The following CHD2 variants were observed in gnomAD, a reference collection of about 807,000 sequenced individuals.
The protein encoded by CHD2 is ATP-dependent chromatin remodeler CHD2.
A neutral mutation model predicts 243.9 loss-of-function variants in CHD2; 28 were observed. The observed-to-expected ratio is 0.11, with a 90% CI of 0.09 to 0.16. The LOEUF (loss-of-function observed/expected upper bound fraction) is 0.16, where lower values mean the gene tolerates loss of function less well. CHD2 is among the 10% of genes least tolerant of loss of function. CHD2 has a pLI of 1.00. For synonymous variants in CHD2, 775 were observed against 779.0 expected, an observed-to-expected ratio of 0.99 and a Z score of 0.09; for missense variants, 1,386 against 2,209.8, an observed-to-expected ratio of 0.63 and a Z score of 7.47.
In CHD2 at chr15:93,004,749, A is replaced by G. The variant is rs2054298181; in HGVS notation, c.4411A>G (p.Ile1471Val). The change falls in exon 34 of 39, where the codon ATA (isoleucine) becomes GTA (valine). Residue 1471 changes from isoleucine (I) to valine (V), a missense_variant and splice_region_variant. This residue lies in a region of CHD2 where 22 missense variants were observed against 60.2 expected (regional missense o/e 0.37). Coordinates refer to ENST00000394196, the MANE Select transcript of CHD2 (RefSeq NM_001271.4). ...TGATCTGGACCAGGAGACATTCAGCATAGTAAGTCTTGAAATCGGGGGGTG... is the reference window on the plus strand; with the variant it reads ...TGATCTGGACCAGGAGACATTCAGCGTAGTAAGTCTTGAAATCGGGGGGTG... ...DDDLDQETFS[I>V]CKERMRPVKK... is the part of the protein sequence containing the mutation. The G allele has an allele frequency of 6.2e-7, 1 of 1,610,836 alleles. No individual in the cohort carries two copies. Among genetic ancestry groups the G allele is most frequent in the African/African-American group, 1.3e-5 (1 of 74,878 alleles).
rs1018764419 is a variant in CHD2 at position 92,937,560 on chromosome 15, A to C, written c.486A>C (p.Gln162His). Reference sequence around the variant, plus strand: ...AACCCTCAGAAGATGAACAGGAACAAGGCACCAGTGCAGAGAGTGAGCCAG... The same window carrying C: ...AACCCTCAGAAGATGAACAGGAACACGGCACCAGTGCAGAGAGTGAGCCAG... ...KQEPSEDEQEQGTSAESEPEQ... is the reference protein window; with the variant it reads ...KQEPSEDEQEHGTSAESEPEQ... Residue 162 changes from glutamine (Q) to histidine (H), a missense_variant, in exon 6 of 39, where the codon CAA becomes CAC. Gln to His is a conservative substitution (Grantham distance 24, BLOSUM62 0). Around this residue, in one of 19 missense-constraint regions of CHD2, gnomAD observed 90 missense variants for 78.0 expected, o/e 1.15. Coordinates refer to ENST00000394196, the MANE Select transcript of CHD2 (RefSeq NM_001271.4). 1.9e-6 allele frequency: 3 copies of C among 1,613,546 alleles called. No homozygotes were observed. Among genetic ancestry groups the C allele is most frequent in the Non-Finnish European group, 2.5e-6 (3 of 1,179,792 alleles).
At chr15:92,990,623 G>A (rs996438341) in intron 26 of CHD2, among the ~76,000 whole-genome samples, 11 of 152,140 alleles carry the variant, frequency 7.2e-5, no homozygotes, top group Non-Finnish European at 1.2e-4. Context: ...TTGTATCTGC[G>A]CTGTTCCTTT....
chr15:93,005,675 T>C (rs894281095), intron 34 of CHD2, among the ~76,000 whole-genome samples: 3 of 152,252 alleles, frequency 2.0e-5, no homozygotes, highest in African/African-American at 4.8e-5. Flanking sequence ...TATATAGATA[T>C]TGTTTTCTTT....
Position 92,904,541 on chromosome 15 carries a change from C to A in CHD2, c.62+3242C>A, listed in dbSNP as rs529472781. ...GGACTTTCCGGTGGGCGGCTTCTTT[C>A]CTGGACGCGTTTGCTCCTGGCAGTC... On this transcript the variant is annotated intron_variant, in intron 2 of 38. Transcript: ENST00000394196. The A allele has an allele frequency of 7.4e-5, 74 of 1,001,520 alleles. 2 individuals are homozygous for A. In the South Asian group the frequency reaches 3.0e-3, roughly 40 times the overall value. The allele number at this position is 1,001,520 out of a possible 1,614,324, so 62.0% of individuals were successfully genotyped here. A position where few individuals can be genotyped will look rare whatever the true frequency, so the allele number is the denominator to read the frequency against.
chr15:92,939,686 G>A lies in CHD2; in HGVS notation c.660G>A (p.Arg220=), dbSNP rs1466513798. The A allele has an allele frequency of 1.3e-5, 21 of 1,613,878 alleles. No homozygotes were observed. Among genetic ancestry groups the A allele is most frequent in the Non-Finnish European group, 1.5e-5 (18 of 1,180,006 alleles). The part of the protein sequence containing the change: ...EDDDDDEAPK[R]QTRRRAAKNV... ...ATGATGATGACGAAGCTCCCAAAAG[G>A]CAGACTCGTCGAAGAGCGGCTAAAA... The change falls in exon 7 of 39, where the codon AGG becomes AGA. Residue 220 remains arginine, a synonymous_variant. Coordinates refer to ENST00000394196, the MANE Select transcript of CHD2 (RefSeq NM_001271.4).
chr15:92,965,381 C>A (rs939453484), intron 16 of CHD2: 3 of 151,728 alleles, frequency 2.0e-5, no homozygotes, highest in Non-Finnish European at 4.4e-5. Flanking sequence ...ACGGTGAAAC[C>A]CTGTCTCTAC....
At chr15:93,020,434 G>A in intron 38 of CHD2, 176 bp downstream of exon 38, 1 of 748,486 alleles carries the variant, frequency 1.3e-6, no homozygotes, top group Non-Finnish European at 2.1e-6. Flanking sequence ...TTGTTTTGTG[G>A]GTCATAGGGA....
intron 36 of CHD2, 116 bp downstream of exon 36, chr15:93,012,560 G>A (rs1473253706): frequency 3.1e-6 from 2 of 641,628 alleles, no homozygotes; most frequent in African/African-American, 1.9e-5. Flanking sequence ...TATTGCTGGT[G>A]CTAATAGTCA....
At chr15:92,903,780 A>G (rs1216790586) in intron 2 of CHD2, among the ~76,000 whole-genome samples, 3 of 152,244 alleles carry the variant, frequency 2.0e-5, no homozygotes, top group Non-Finnish European at 4.4e-5. Context: ...GCACCACGTT[A>G]GCAATTTATC....
At chr15:92,907,201 G>A (rs764485429) in intron 2 of CHD2, among the ~76,000 whole-genome samples, 4 of 152,164 alleles carry the variant, frequency 2.6e-5, no homozygotes, top group Non-Finnish European at 4.4e-5. Context: ...TGAAGTGAGG[G>A]ACAAGGCTTT....
intron 20 of CHD2, 48 bp from the exon 21 acceptor site, chr15:92,978,184 CTG>C (rs2053934346): frequency 6.2e-7 from 1 of 1,610,438 alleles, no homozygotes; most frequent in Admixed American, 1.7e-5. Flanking sequence ...GACTGTGAAA[CTG>C]TTTCTGAGAA....
At chr15:92,955,025 G>T (rs536981615) in intron 14 of CHD2, among the ~76,000 whole-genome samples, 222 of 152,226 alleles carry the variant, frequency 1.5e-3, no homozygotes, top group African/African-American at 4.8e-3. Flanking sequence ...GTTGGAATTT[G>T]TTTTACTTGT....
intron 19 of CHD2, among the ~76,000 whole-genome samples, chr15:92,973,057 TA>T (rs764067089): frequency 2.0e-5 from 3 of 152,028 alleles, no homozygotes; most frequent in Non-Finnish European, 2.9e-5. Context: ...AGAGAGGAAG[TA>T]AGTGTGAGCT....
chr15:92,938,728 A>C (rs1474465557), intron 6 of CHD2, among the ~76,000 whole-genome samples: 2 of 152,246 alleles, frequency 1.3e-5, no homozygotes, highest in African/African-American at 2.4e-5. Flanking sequence ...AAATGTGATC[A>C]TGAGTATCCA....
chr15:92,916,077 C>T (rs1424186720), intron 2 of CHD2, among the ~76,000 whole-genome samples: 2 of 152,222 alleles, frequency 1.3e-5, no homozygotes, highest in Non-Finnish European at 2.9e-5. Flanking sequence ...AAGAATGCAA[C>T]TGTTTGTCTA....
At chr15:92,960,389 A>G (rs2053668956) in intron 16 of CHD2, among the ~76,000 whole-genome samples, 1 of 152,152 alleles carries the variant, frequency 6.6e-6, no homozygotes, top group Non-Finnish European at 1.5e-5. Flanking sequence ...TGGTGGGAGC[A>G]GGATGTTGGC....
intron 2 of CHD2, among the ~76,000 whole-genome samples, chr15:92,922,333 C>T (rs2052971424): frequency 6.6e-6 from 1 of 152,078 alleles, no homozygotes. Flanking sequence ...CAAAATAATA[C>T]ATATAAAGTA....
chr15:93,019,344 AGT>A (rs2054502273), intron 37 of CHD2, among the ~76,000 whole-genome samples: 1 of 152,204 alleles, frequency 6.6e-6, no homozygotes, highest in Non-Finnish European at 1.5e-5. Flanking sequence ...TGTTGTTAAG[AGT>A]CTGCCACAGA....
At chr15:92,918,830 T>TATACATACACACATATATATAC (rs2052894916) in intron 2 of CHD2, among the ~76,000 whole-genome samples, 2 of 151,596 alleles carry the variant, frequency 1.3e-5, no homozygotes, top group South Asian at 2.1e-4. Context: ...TATACATATA[T>TATACATACACACATATATATAC]ATACATACAC....
Sources: allele counts gnomAD v4.1 joint callset (sites outside exome capture counted in the v4.1 genomes callset), GRCh38; gene constraint gnomAD v4.1.1; regional missense constraint gnomAD v4.1.1; transcripts MANE v1.5; gene names NCBI Gene and HGNC (gene_info 2026-07-23, HGNC 2026-07-21).